PDE6C: variants seen among roughly 807,000 people sequenced by gnomAD.
The protein encoded by PDE6C is phosphodiesterase 6C, also known as cone cGMP-specific 3',5'-cyclic phosphodiesterase subunit alpha'.
Under a neutral mutation model 113.1 loss-of-function variants are expected in PDE6C, and 75 were observed. That is an observed-to-expected ratio of 0.66 (90% confidence interval 0.55 to 0.80). The LOEUF is 0.80. Ranked by LOEUF, PDE6C falls within the 30% of genes least tolerant of loss-of-function variation. PDE6C has a pLI of 0.00. For synonymous variants in PDE6C, 375 were observed against 363.7 expected, an observed-to-expected ratio of 1.03 and a Z score of -0.35; for missense variants, 912 against 1,038.6, an observed-to-expected ratio of 0.88 and a Z score of 1.67.
chr10:93,614,481 G>T (rs1345156845), intron 1 of PDE6C, among the ~76,000 whole-genome samples: 3 of 152,140 alleles, frequency 2.0e-5, no homozygotes, highest in Non-Finnish European at 4.4e-5. Flanking sequence ...TGTCTAAATG[G>T]ATGCTCATCC....
intron 14 of PDE6C, 29 bp downstream of exon 14, chr10:93,641,058 C>T (rs769304390): frequency 1.9e-5 from 25 of 1,284,856 alleles, no homozygotes; most frequent in Non-Finnish European, 2.7e-5. Context: ...AATGTTGACA[C>T]GTATTGGTGG....
chr10:93,630,638 G>A (rs1049089303), intron 8 of PDE6C, among the ~76,000 whole-genome samples: 36 of 152,052 alleles, frequency 2.4e-4, no homozygotes, highest in Non-Finnish European at 3.5e-4. Context: ...TGCCCTCCCC[G>A]GTGGGTACCG....
intron 4 of PDE6C, among the ~76,000 whole-genome samples, chr10:93,622,689 T>C (rs2058454495): frequency 6.8e-6 from 1 of 147,146 alleles, no homozygotes; most frequent in South Asian, 2.1e-4. Context: ...GCTGTTTCTA[T>C]AGTTTTTGCC....
chr10:93,647,633 A>G (rs979197575), intron 15 of PDE6C, among the ~76,000 whole-genome samples: 2 of 152,074 alleles, frequency 1.3e-5, no homozygotes, highest in African/African-American at 2.4e-5. Flanking sequence ...ACCTGGACCA[A>G]CTCTTTCAGA....
At chr10:93,650,635 A>G (rs558141966) in intron 15 of PDE6C, among the ~76,000 whole-genome samples, 7 of 152,328 alleles carry the variant, frequency 4.6e-5, no homozygotes, top group African/African-American at 1.7e-4. Flanking sequence ...AACAGAAGAA[A>G]TGTTTTTGAA....
intron 1 of PDE6C, among the ~76,000 whole-genome samples, chr10:93,615,596 G>T (rs567712172): frequency 1.3e-5 from 2 of 152,254 alleles, no homozygotes; most frequent in East Asian, 3.9e-4. Context: ...TGGCCAGGCT[G>T]GTACTGAACT....
chr10:93,619,075 G>C (rs56061399), intron 1 of PDE6C, among the ~76,000 whole-genome samples: 1 of 152,176 alleles, frequency 6.6e-6, no homozygotes, highest in Non-Finnish European at 1.5e-5. Flanking sequence ...ATGACCCAAG[G>C]AAGGCTGGGT....
At chr10:93,648,671 C>T (rs2058595455) in intron 15 of PDE6C, among the ~76,000 whole-genome samples, 1 of 152,128 alleles carries the variant, frequency 6.6e-6, no homozygotes, top group Non-Finnish European at 1.5e-5. Flanking sequence ...AATAGAACTG[C>T]CTGTACTCTA....
At chr10:93,620,870 G>T in intron 2 of PDE6C, 21 bp from the exon 3 acceptor site, 6 of 1,613,288 alleles carry the variant, frequency 3.7e-6, no homozygotes, top group Non-Finnish European at 4.2e-6. Context: ...ACCATAACTT[G>T]TTATTCTCTG....
chr10:93,662,966 A>T, intron 20 of PDE6C, 62 bp from the exon 21 acceptor site: 1 of 1,424,574 alleles, frequency 7.0e-7, no homozygotes, highest in Non-Finnish European at 9.8e-7. Flanking sequence ...CTCTCTGCAT[A>T]TGAAAGATCC....
rs530593210 is a variant in PDE6C at position 93,641,044 on chromosome 10, G to A, written c.1847+15G>A. ...TACCAGATGAAGTAAGTGAACACAT[G>A]TCCAATGTTGACACGTATTGGTGGA... is the stretch of plus-strand genomic sequence containing the variant. On this transcript the variant is annotated intron_variant, in intron 14 of 21. Coordinates refer to ENST00000371447, the MANE Select transcript of PDE6C (RefSeq NM_006204.4). 3.5e-6 allele frequency: 5 copies of A among 1,417,320 alleles called. No individual in the cohort carries two copies. The African/African-American group carries it at 4.2e-5, about 12-fold the overall frequency. The allele number at this position is 1,417,320 out of a possible 1,614,324, so 87.8% of individuals were successfully genotyped here. A position where few individuals can be genotyped will look rare whatever the true frequency, so the allele number is the denominator to read the frequency against.
At position 93,654,444 on chromosome 10, in the gene PDE6C, T is replaced by A. The variant is rs539565797; in HGVS notation, c.1936-1316T>A. ...GTTACTTCACCTCTCTGTGCTGGGG[T>A]CTGTTGTGAAGAGATTAAGAATATT... On this transcript the variant is annotated intron_variant, in intron 15 of 21. Coordinates refer to ENST00000371447, the MANE Select transcript of PDE6C (RefSeq NM_006204.4). 2.8e-4 allele frequency among the ~76,000 whole-genome samples: 42 copies of A among 152,280 alleles called. No individual in the cohort carries two copies. The East Asian group carries it at 7.7e-3, about 28-fold the overall frequency.
At position 93,637,254 on chromosome 10, in the gene PDE6C, G is replaced by A. The variant is rs533162825; in HGVS notation, c.1482+191G>A. ...TTCCCTGCTTTTCTTCATCTTTGTC[G>A]CCTCTGGTCCAATTCATACAGATAA... On this transcript the variant is annotated intron_variant, in intron 11 of 21. Coordinates refer to ENST00000371447, the MANE Select transcript of PDE6C (RefSeq NM_006204.4). 2.8e-4 allele frequency among the ~76,000 whole-genome samples: 42 copies of A among 151,746 alleles called. No homozygotes were observed. In the South Asian group the frequency reaches 3.1e-3, roughly 11 times the overall value.
chr10:93,630,116 T>C (rs1244657165), intron 8 of PDE6C, among the ~76,000 whole-genome samples: 2 of 152,174 alleles, frequency 1.3e-5, no homozygotes, highest in South Asian at 4.1e-4. Context: ...TCAACAATTC[T>C]GACTGAGTCT....
intron 8 of PDE6C, among the ~76,000 whole-genome samples, chr10:93,631,558 CTCTG>C (rs1271220250): frequency 6.6e-6 from 1 of 152,020 alleles, no homozygotes; most frequent in South Asian, 2.1e-4. Flanking sequence ...GGGACTGCAT[CTCTG>C]TCTGATGTCT....
At chr10:93,618,517 GT>G (rs988305872) in intron 1 of PDE6C, among the ~76,000 whole-genome samples, 3 of 152,190 alleles carry the variant, frequency 2.0e-5, no homozygotes, top group African/African-American at 7.2e-5. Flanking sequence ...TCAAGAGTTG[GT>G]TTGTGTGTTT....
chr10:93,620,530 G>A (rs1359723331), intron 1 of PDE6C, 102 bp from the exon 2 acceptor site: 1 of 1,215,964 alleles, frequency 8.2e-7, no homozygotes, highest in African/African-American at 1.5e-5. Flanking sequence ...CTGGTTATCT[G>A]TTGGTAGCAT....
chr10:93,636,890 C>T (rs1564800361), intron 10 of PDE6C, 105 bp from the exon 11 acceptor site: 7 of 727,962 alleles, frequency 9.6e-6, no homozygotes, highest in South Asian at 7.6e-5. Context: ...GCCTCTTCCT[C>T]CCACATATTT....
chr10:93,612,974 C>T lies in PDE6C; in HGVS notation c.249C>T (p.Ala83=). 2 of 1,614,004 alleles carry T rather than the reference C, an allele frequency of 1.2e-6. No homozygotes were observed. The highest frequency in any genetic ancestry group is 1.7e-6 in the Non-Finnish European group (2 of 1,179,960). The change falls in exon 1 of 22, where the codon GCC becomes GCT. Residue 83 remains alanine, a synonymous_variant. Transcript: ENST00000371447. ...GGTPEQGVHR[A]LQRLAHLLQA... is the part of the protein sequence containing the mutation. Reference sequence around the variant, plus strand: ...CCCCAGAGCAGGGGGTTCACAGGGCCCTGCAGAGGCTGGCCCACCTGCTCC... The same window carrying T: ...CCCCAGAGCAGGGGGTTCACAGGGCTCTGCAGAGGCTGGCCCACCTGCTCC...
Sources: gnomAD v4.1 joint callset for allele counts (sites outside exome capture counted in the v4.1 genomes callset) on GRCh38, gnomAD v4.1.1 for gene constraint, MANE v1.5 for transcripts, NCBI Gene and HGNC (gene_info 2026-07-23, HGNC 2026-07-21) for gene names.